ADCY9: variants seen among roughly 807,000 people sequenced by gnomAD.
The protein encoded by ADCY9 is adenylate cyclase 9.
Under a neutral mutation model 101.5 loss-of-function variants are expected in ADCY9, and 50 were observed. That is an observed-to-expected ratio of 0.49 (90% CI 0.39 to 0.62). The LOEUF (loss-of-function observed/expected upper bound fraction) is 0.62, where lower values mean the gene tolerates loss of function less well. Among genes scored for constraint, ADCY9 ranks in the 20% least tolerant of loss-of-function variants. The probability of loss-of-function intolerance (pLI) is 0.00; values close to 1 mark genes in which losing one functional copy is unlikely to be tolerated. For synonymous variants in ADCY9, 905 were observed against 769.3 expected (o/e 1.18, Z -2.92); for missense variants, 1,662 against 1,800.4 (o/e 0.92, Z 1.39).
rs1421753893 is a variant in ADCY9 at position 3,966,031 on chromosome 16, C to T, written c.3806G>A (p.Ser1269Asn). The change falls in exon 11 of 11, where the codon AGC (serine) becomes AAC (asparagine). Residue 1269 changes from serine to asparagine, a missense_variant. Ser to Asn is a conservative substitution (Grantham distance 46). Around this residue, in one of 5 missense-constraint regions of ADCY9, gnomAD observed 168 missense variants for 155.3 expected, o/e 1.08. Coordinates refer to ENST00000294016, the MANE Select transcript of ADCY9 (RefSeq NM_001116.4). The part of the protein sequence containing the change: ...SPDIRVQVDG[S>N]IGRSPTDEIA... Reference sequence around the variant, plus strand: ...CTCGTCTGTGGGAGACCGTCCGATGCTGCCATCCACCTGGACGCGGATGTC... The same window carrying T: ...CTCGTCTGTGGGAGACCGTCCGATGTTGCCATCCACCTGGACGCGGATGTC... 1 of 1,614,214 alleles carries T rather than the reference C, an allele frequency of 6.2e-7. No individual in the cohort carries two copies. The highest frequency in any genetic ancestry group is 8.5e-7 in the Non-Finnish European group (1 of 1,180,042).
At chr16:3,973,205 T>A (rs185131128) in intron 10 of ADCY9, among the ~76,000 whole-genome samples, 339 of 152,276 alleles carry the variant, frequency 2.2e-3, no homozygotes, top group African/African-American at 7.6e-3. Context: ...ATGAATCTTT[T>A]TTTTATTTTA....
intron 2 of ADCY9, among the ~76,000 whole-genome samples, chr16:4,091,727 T>C (rs2601825): frequency 0.16 from 23,648 of 152,136 alleles, 2,137 homozygotes; most frequent in East Asian, 0.43. Context: ...TATCCTACGA[T>C]TCCAAGTATA....
chr16:4,064,119 C>T (rs932363740), intron 2 of ADCY9, among the ~76,000 whole-genome samples: 1 of 152,112 alleles, frequency 6.6e-6, no homozygotes, highest in Non-Finnish European at 1.5e-5. Flanking sequence ...ATCAGGAAAT[C>T]AACTGTTTTG....
chr16:4,029,158 G>A (rs1213510682), intron 2 of ADCY9, among the ~76,000 whole-genome samples: 8 of 151,994 alleles, frequency 5.3e-5, no homozygotes, highest in Non-Finnish European at 1.0e-4. Context: ...CACATTTCAC[G>A]TGGATTATAG....
chr16:4,082,026 A>C (rs962677662), intron 2 of ADCY9, among the ~76,000 whole-genome samples: 2 of 152,018 alleles, frequency 1.3e-5, no homozygotes, highest in Non-Finnish European at 2.9e-5. Flanking sequence ...GAGTTGGTTA[A>C]ATGATCCAAT....
At chr16:4,033,349 T>G (rs1432632541) in intron 2 of ADCY9, among the ~76,000 whole-genome samples, 3 of 152,016 alleles carry the variant, frequency 2.0e-5, no homozygotes, top group Non-Finnish European at 4.4e-5. Flanking sequence ...GAACTAAATA[T>G]GCAAGATTCC....
At chr16:4,010,987 C>G (rs1240581446) in intron 2 of ADCY9, among the ~76,000 whole-genome samples, 2 of 152,300 alleles carry the variant, frequency 1.3e-5, no homozygotes, top group Admixed American at 6.5e-5. Flanking sequence ...CTTGGACTTC[C>G]CAGCCTCCTG....
chr16:4,078,562 G>GAAAAA (rs796262600), intron 2 of ADCY9, among the ~76,000 whole-genome samples: 1 of 65,748 alleles, frequency 1.5e-5, no homozygotes, highest in African/African-American at 4.7e-5. Flanking sequence ...CTCAAAAAAA[G>GAAAAA]AAAAAAAAAA....
At chr16:3,989,771 C>T (rs974839649) in intron 5 of ADCY9, among the ~76,000 whole-genome samples, 1 of 152,210 alleles carries the variant, frequency 6.6e-6, no homozygotes, top group Admixed American at 6.5e-5. Context: ...ACACGCAGAT[C>T]ACTGTGCTGA....
intron 5 of ADCY9, among the ~76,000 whole-genome samples, chr16:3,990,549 GTTCC>G (rs2056236017): frequency 6.6e-6 from 1 of 151,884 alleles, no homozygotes. Flanking sequence ...CATCACGTGT[GTTCC>G]TTCCTGTCCT....
chr16:4,090,747 T>C (rs2056968260), intron 2 of ADCY9, among the ~76,000 whole-genome samples: 1 of 152,032 alleles, frequency 6.6e-6, no homozygotes, highest in Non-Finnish European at 1.5e-5. Context: ...TACTTTTTTT[T>C]CAAGCTTGCC....
intron 2 of ADCY9, among the ~76,000 whole-genome samples, chr16:4,013,247 C>A (rs1324651243): frequency 8.9e-5 from 9 of 100,860 alleles, no homozygotes; most frequent in Admixed American, 9.0e-5. Context: ...GACCCTGTCT[C>A]AAAAAAAAAA....
At position 4,005,927 on chromosome 16, in the gene ADCY9, G is replaced by A. The variant is rs953466568; in HGVS notation, c.1884+1441C>T. 2.6e-5 allele frequency among the ~76,000 whole-genome samples: 4 copies of A among 152,052 alleles called. No individual in the cohort carries two copies. The East Asian group carries it at 5.8e-4, about 22-fold the overall frequency. ...ACCCCACGCCAGCCCCTCCCTGCCC[G>A]GGTCCGCTGTCTAGGAGCCCAGAGC... On this transcript the variant is annotated intron_variant, in intron 3 of 10. Coordinates refer to ENST00000294016, the MANE Select transcript of ADCY9 (RefSeq NM_001116.4).
chr16:4,091,064 ATTATT>A (rs139952300), intron 2 of ADCY9, among the ~76,000 whole-genome samples: 19,270 of 151,394 alleles, frequency 0.13, 1,445 homozygotes, highest in East Asian at 0.2. Flanking sequence ...TTCCTATTTT[ATTATT>A]TTATTTTATT....
At chr16:4,043,575 A>T (rs1403636049) in intron 2 of ADCY9, among the ~76,000 whole-genome samples, 1 of 152,008 alleles carries the variant, frequency 6.6e-6, no homozygotes, top group Non-Finnish European at 1.5e-5. Context: ...CCGTAATCTC[A>T]TCTACTTGGG....
Position 4,089,377 on chromosome 16 carries a change from G to A in ADCY9, c.1693+24373C>T, listed in dbSNP as rs564077001. Among the ~76,000 whole-genome samples the A allele has an allele frequency of 3.2e-4, 48 of 152,196 alleles. 1 individual carries two copies. The highest frequency in any genetic ancestry group is 5.2e-4 in the Admixed American group (8 of 15,284). On this transcript the variant is annotated intron_variant, in intron 2 of 10. Transcript: ENST00000294016. ...TCAGTATTCGTCCACGTTGTCACAT[G>A]TATCAGAACTCCATTCCTTTTTAAG...
chr16:4,052,452 AG>A (rs1320371966), intron 2 of ADCY9, among the ~76,000 whole-genome samples: 1 of 152,188 alleles, frequency 6.6e-6, no homozygotes. Flanking sequence ...TCCGGAAAAA[AG>A]GGATGTGTGT....
intron 2 of ADCY9, among the ~76,000 whole-genome samples, chr16:4,107,688 G>A (rs186412257): frequency 6.8e-4 from 104 of 152,196 alleles, no homozygotes; most frequent in Middle Eastern, 6.8e-3. Context: ...CAAGCTAACG[G>A]GGGAAGGAAG....
chr16:3,997,066 C>G (rs1408637804), intron 3 of ADCY9, among the ~76,000 whole-genome samples: 1 of 152,198 alleles, frequency 6.6e-6, no homozygotes, highest in Middle Eastern at 3.4e-3. Context: ...GGTTTCACCA[C>G]GTTGGTCAGG....
Sources: gnomAD v4.1 joint callset for allele counts (sites outside exome capture counted in the v4.1 genomes callset) on GRCh38, gnomAD v4.1.1 for gene constraint, gnomAD v4.1.1 regional missense constraint, MANE v1.5 for transcripts, NCBI Gene and HGNC (gene_info 2026-07-23, HGNC 2026-07-21) for gene names.